Variants in UBR3 observed in about 807,000 individuals in gnomAD.
The protein encoded by UBR3 is ubiquitin protein ligase E3 component n-recognin 3.
Under a neutral mutation model 243.2 loss-of-function variants are expected in UBR3, and 85 were observed. The ratio of observed to expected loss-of-function variants is 0.35; its 90% CI spans 0.29 to 0.42. The LOEUF (loss-of-function observed/expected upper bound fraction) is 0.42, where lower values mean the gene tolerates loss of function less well. Ranked by LOEUF, UBR3 falls within the 10% of genes least tolerant of loss-of-function variation. UBR3 has a pLI of 1.00. For missense variants in UBR3, 1,686 were observed against 2,300.8 expected, an observed-to-expected ratio of 0.73 and a Z score of 5.47; for synonymous variants, 748 against 799.8, an observed-to-expected ratio of 0.94 and a Z score of 1.09.
intron 11 of UBR3, among the ~76,000 whole-genome samples, chr2:169,922,706 T>C (rs1192309591): frequency 6.6e-6 from 1 of 152,160 alleles, no homozygotes; most frequent in Admixed American, 6.5e-5. Context: ...AGTTACTGTC[T>C]TTTTGTGACT....
At position 169,845,492 on chromosome 2, in the gene UBR3, T is replaced by TTCGTCGTCGTCG. The variant is rs746655489; in HGVS notation, c.545+17448_545+17449insGTCGTCGTCGTC. Among the ~76,000 whole-genome samples, 15 of 123,524 alleles carry TTCGTCGTCGTCG rather than the reference T, an allele frequency of 1.2e-4. No homozygotes were observed. The East Asian group carries it at 1.3e-3, about 11-fold the overall frequency. 81.0% of individuals were successfully genotyped at this position (123,524 alleles called of 152,430 possible). Reference sequence around the variant, plus strand: ...TGACTATTAGTAATTCCTTTCCCTCTTCGTCGTCATCGTCGTCGTCGTCGT... The same window carrying TTCGTCGTCGTCG: ...TGACTATTAGTAATTCCTTTCCCTCTTCGTCGTCGTCGTCGTCGTCATCGTCGTCGTCGTCGT... On this transcript the variant is annotated intron_variant, in intron 1 of 38. Transcript: ENST00000272793.
At chr2:169,904,128 G>T (rs982893689) in intron 8 of UBR3, among the ~76,000 whole-genome samples, 1 of 151,902 alleles carries the variant, frequency 6.6e-6, no homozygotes, top group Non-Finnish European at 1.5e-5. Flanking sequence ...AGGTTTTTTA[G>T]CTTTTTTTCC....
chr2:170,042,224 C>T (rs1277529943), intron 32 of UBR3, among the ~76,000 whole-genome samples: 3 of 152,020 alleles, frequency 2.0e-5, no homozygotes, highest in Non-Finnish European at 4.4e-5. Context: ...TTATACATTA[C>T]GTTGCATTTT....
intron 18 of UBR3, among the ~76,000 whole-genome samples, chr2:169,930,558 A>T (rs1227582184): frequency 1.3e-5 from 2 of 151,646 alleles, no homozygotes; most frequent in Non-Finnish European, 2.9e-5. Flanking sequence ...GCTAATTTTC[A>T]TGTGTTTTGT....
At chr2:169,859,598 T>A (rs1458778556) in intron 1 of UBR3, among the ~76,000 whole-genome samples, 1 of 152,190 alleles carries the variant, frequency 6.6e-6, no homozygotes, top group Non-Finnish European at 1.5e-5. Flanking sequence ...TGTTTTATTT[T>A]GGATAATTTT....
chr2:169,963,078 T>A (rs1241654862), intron 24 of UBR3, among the ~76,000 whole-genome samples: 1 of 152,214 alleles, frequency 6.6e-6, no homozygotes. Context: ...GCTTGTTCAG[T>A]TTCTTTGGAT....
At chr2:169,981,341 T>G (rs955964058) in intron 24 of UBR3, among the ~76,000 whole-genome samples, 1 of 152,136 alleles carries the variant, frequency 6.6e-6, no homozygotes, top group Non-Finnish European at 1.5e-5. Flanking sequence ...CAGTGGTAAT[T>G]CATGTTAATA....
intron 17 of UBR3, 50 bp from the exon 18 acceptor site, chr2:169,928,675 CTA>C: frequency 3.6e-6 from 5 of 1,374,756 alleles, no homozygotes; most frequent in Non-Finnish European, 4.8e-6. Context: ...CTTGGAAAGG[CTA>C]TAAATCTGGC....
At chr2:169,867,148 A>G (rs2083289513) in intron 1 of UBR3, among the ~76,000 whole-genome samples, 2 of 152,218 alleles carry the variant, frequency 1.3e-5, no homozygotes, top group South Asian at 2.1e-4. Context: ...CAAACATTAT[A>G]CGTAGAATTA....
chr2:169,946,052 GAA>G (rs895669095), intron 20 of UBR3, among the ~76,000 whole-genome samples: 112 of 90,406 alleles, frequency 1.2e-3, no homozygotes, highest in African/African-American at 3.3e-3. Flanking sequence ...GTCATCAAGA[GAA>G]GAGTGTCAGC....
chr2:169,890,450 A>G (rs1397963018), intron 5 of UBR3, among the ~76,000 whole-genome samples: 1 of 150,492 alleles, frequency 6.6e-6, no homozygotes, highest in Non-Finnish European at 1.5e-5. Flanking sequence ...ACAAACTTGA[A>G]TAGGTTGTGA....
At chr2:170,002,840 G>A (rs2089762489) in intron 27 of UBR3, among the ~76,000 whole-genome samples, 1 of 151,988 alleles carries the variant, frequency 6.6e-6, no homozygotes, top group Non-Finnish European at 1.5e-5. Context: ...CTCCTTCAGT[G>A]TAACTTTTAT....
intron 24 of UBR3, among the ~76,000 whole-genome samples, chr2:169,985,353 C>CA (rs1274922415): frequency 6.6e-6 from 1 of 151,612 alleles, no homozygotes; most frequent in African/African-American, 2.4e-5. Flanking sequence ...CTTAGCCTTC[C>CA]AAGTAGCCAG....
chr2:170,077,255 T>A (rs573779429), intron 36 of UBR3: 1 of 737,176 alleles, frequency 1.4e-6, no homozygotes, highest in East Asian at 2.6e-5. Flanking sequence ...TATACATCCA[T>A]CATTTTCAGG....
intron 4 of UBR3, among the ~76,000 whole-genome samples, chr2:169,878,313 A>G (rs572269307): frequency 6.6e-6 from 1 of 150,442 alleles, no homozygotes; most frequent in African/African-American, 2.4e-5. Context: ...GTGAGGTGAG[A>G]TTGCGCCACT....
intron 35 of UBR3, among the ~76,000 whole-genome samples, chr2:170,064,820 T>C (rs2091525157): frequency 6.7e-6 from 1 of 149,428 alleles, no homozygotes; most frequent in Admixed American, 6.7e-5. Flanking sequence ...TTTTTTTTTT[T>C]TTTTTGCTAT....
chr2:169,992,824 G>C (rs567166764), intron 25 of UBR3, among the ~76,000 whole-genome samples: 1 of 152,112 alleles, frequency 6.6e-6, no homozygotes, highest in African/African-American at 2.4e-5. Context: ...GCAGTGGCAC[G>C]ATCTCAGCTC....
At chr2:169,993,628 G>A (rs2089372163) in intron 25 of UBR3, among the ~76,000 whole-genome samples, 1 of 152,064 alleles carries the variant, frequency 6.6e-6, no homozygotes, top group Admixed American at 6.5e-5. Context: ...ATTACATCAG[G>A]AGGTTCACTG....
chr2:169,890,258 A>G (rs1223894335), intron 5 of UBR3, among the ~76,000 whole-genome samples: 2 of 151,998 alleles, frequency 1.3e-5, no homozygotes, highest in Non-Finnish European at 2.9e-5. Flanking sequence ...TTGGTTTTAC[A>G]AGAGGCGGGC....
Sources: gnomAD v4.1 joint callset for allele counts (sites outside exome capture counted in the v4.1 genomes callset) on GRCh38, gnomAD v4.1.1 for gene constraint, MANE v1.5 for transcripts, NCBI Gene and HGNC (gene_info 2026-07-23, HGNC 2026-07-21) for gene names.